The following DPH1 variants were observed in gnomAD, a reference collection of about 807,000 sequenced individuals.
DPH1 encodes 2-(3-amino-3-carboxypropyl)histidine synthase subunit 1.
Under a neutral mutation model 55.3 loss-of-function variants are expected in DPH1, and 59 were observed. That is an observed-to-expected ratio of 1.07 (90% CI 0.87 to 1.33). DPH1 has a LOEUF of 1.33. DPH1 is among the 40% of genes most tolerant of loss of function. The probability of loss-of-function intolerance (pLI) is 0.00; values close to 1 mark genes in which losing one functional copy is unlikely to be tolerated. For synonymous variants in DPH1, 238 were observed against 235.5 expected (o/e 1.01, Z -0.10); for missense variants, 628 against 584.8 (o/e 1.07, Z -0.76).
At position 2,036,950 on chromosome 17, in the gene DPH1, C is replaced by A; in HGVS notation, c.674C>A (p.Ala225Asp). ...TSPRLSKEVE[A>D]VVYLGDGRFH... Reference sequence around the variant, plus strand: ...CCCCGACTGTCCAAAGAGGTGGAGGCCGTTGTGTAAGTTAAAAATGGGGGC... The same window carrying A: ...CCCCGACTGTCCAAAGAGGTGGAGGACGTTGTGTAAGTTAAAAATGGGGGC... The change falls in exon 6 of 13, where the codon GCC becomes GAC. Residue 225 changes from alanine (A) to aspartate (D), a missense_variant. Coordinates refer to ENST00000263083, the MANE Select transcript of DPH1 (RefSeq NM_001383.6). The surrounding 1 kb of genome is among the most constrained non-coding windows in gnomAD (Gnocchi z 4.8). 6.2e-7 allele frequency: 1 copy of A among 1,612,474 alleles called. No homozygotes were observed. The highest frequency in any genetic ancestry group is 1.1e-5 in the South Asian group (1 of 90,878).
intron 1 of DPH1, among the ~76,000 whole-genome samples, chr17:2,031,336 G>T (rs530651729): frequency 3.0e-4 from 46 of 152,150 alleles, no homozygotes; most frequent in East Asian, 1.2e-3. Context: ...TGAGGCGGGC[G>T]GATTACCTGA....
Position 2,030,196 on chromosome 17 carries a change from A to G in DPH1, c.27A>G (p.Ala9=). MAALVVSG[A]AEQGGRDGPG... The stretch of plus-strand genomic sequence containing the variant: ...TGGCGGCGCTGGTCGTATCCGGGGC[A>G]GCGGAGCAGGGCGGCCGAGACGGCC... The change falls in exon 1 of 13, where the codon GCA becomes GCG. Residue 9 remains alanine, a synonymous_variant. Transcript: ENST00000263083. The G allele has an allele frequency of 1.2e-6, 2 of 1,602,360 alleles. No homozygotes were observed. Among genetic ancestry groups the G allele is most frequent in the South Asian group, 1.1e-5 (1 of 88,734 alleles).
In DPH1 at chr17:2,043,194, T is replaced by A; in HGVS notation, c.*608T>A. 12 of 1,424,166 alleles carry A rather than the reference T, an allele frequency of 8.4e-6. No individual in the cohort carries two copies. The highest frequency in any genetic ancestry group is 1.3e-5 in the South Asian group (1 of 77,214). The allele number at this position is 1,424,166 out of a possible 1,614,324, so 88.2% of individuals were successfully genotyped here. A position where few individuals can be genotyped will look rare whatever the true frequency, so the allele number is the denominator to read the frequency against. ...CCTCCCAGGACCCTCCACTCACTGC[T>A]GTGAGTGCGCCTCACCAGAACCAGT... On this transcript the variant is annotated 3_prime_UTR_variant, in exon 13 of 13. Transcript: ENST00000263083.
intron 6 of DPH1, among the ~76,000 whole-genome samples, chr17:2,038,583 A>G (rs1272799986): frequency 1.3e-5 from 2 of 152,130 alleles, no homozygotes; most frequent in Non-Finnish European, 2.9e-5. Context: ...CTCAAACCCT[A>G]TCGTGACCTG....
intron 8 of DPH1, 57 bp from the exon 9 acceptor site, chr17:2,040,448 G>A (rs1188630722): frequency 2.5e-6 from 4 of 1,613,750 alleles, no homozygotes; most frequent in Non-Finnish European, 3.4e-6. Flanking sequence ...GTAGGCCACA[G>A]GTTCAGCTTT....
chr17:2,033,980 C>T, intron 3 of DPH1, 138 bp downstream of exon 3: 3 of 946,570 alleles, frequency 3.2e-6, no homozygotes, highest in Non-Finnish European at 4.8e-6. Flanking sequence ...CTCCCACAAC[C>T]ATACACACAC....
In DPH1 at chr17:2,036,423, C is replaced by A; in HGVS notation, c.401-106C>A. ...CTCTTCTCCTACCCTGTCCTTTTAC[C>A]CCCAGGCTGAAGCCACTGCGCCTGG... On this transcript the variant is annotated intron_variant, in intron 4 of 12. Coordinates refer to ENST00000263083, the MANE Select transcript of DPH1 (RefSeq NM_001383.6). This position sits in a 1 kb window ranked among gnomAD's most constrained non-coding sequence, Gnocchi z 4.8. The A allele has an allele frequency of 7.0e-7, 1 of 1,430,032 alleles. No individual in the cohort carries two copies. The highest frequency in any genetic ancestry group is 9.6e-7 in the Non-Finnish European group (1 of 1,038,346). 88.6% of individuals were successfully genotyped at this position (1,430,032 alleles called of 1,614,324 possible).
At chr17:2,030,331 T>C in intron 1 of DPH1, 101 bp downstream of exon 1, 1 of 1,340,300 alleles carries the variant, frequency 7.5e-7, no homozygotes, top group African/African-American at 1.5e-5. Flanking sequence ...GGCGCCTTTC[T>C]CCGCTAGATC....
rs1365444937 is a variant in DPH1 at position 2,041,300 on chromosome 17, C to T, written c.1086+119C>T. The T allele has an allele frequency of 3.4e-6, 5 of 1,467,734 alleles. No homozygotes were observed. In the African/African-American group the frequency reaches 5.6e-5, roughly 16 times the overall value. The allele number at this position is 1,467,734 out of a possible 1,614,324, so 90.9% of individuals were successfully genotyped here. A position where few individuals can be genotyped will look rare whatever the true frequency, so the allele number is the denominator to read the frequency against. ...TGTTCGTAGATTCCGGAGTCTGTCT[C>T]GATTTCTCCAGCGGAGTCACTTCCT... On this transcript the variant is annotated intron_variant, in intron 10 of 12. Coordinates refer to ENST00000263083, the MANE Select transcript of DPH1 (RefSeq NM_001383.6).
chr17:2,030,441 G>A (rs148835478), intron 1 of DPH1, among the ~76,000 whole-genome samples: 2 of 152,360 alleles, frequency 1.3e-5, no homozygotes, highest in African/African-American at 4.8e-5. Context: ...ACGACCGAGA[G>A]CAGCCCTTAA....
rs1380563034 is a variant in DPH1 at position 2,041,199 on chromosome 17, G to A, written c.1086+18G>A. On this transcript the variant is annotated intron_variant, in intron 10 of 12. Transcript: ENST00000263083. ...CCTATGAGGTAACACCAAGCTCTGG[G>A]AGAGAGTGGGCTTTGGACGTGGTTC... 3.1e-6 allele frequency: 5 copies of A among 1,593,540 alleles called. No homozygotes were observed. In the African/African-American group the frequency reaches 6.7e-5, roughly 21 times the overall value.
intron 3 of DPH1, among the ~76,000 whole-genome samples, chr17:2,034,486 T>G (rs978664235): frequency 5.1e-5 from 1 of 19,664 alleles, no homozygotes. Flanking sequence ...CCCCTGCTCC[T>G]CCCTCCCCCT....
rs1164022144 is a variant in DPH1, at chr17:2,041,843, C to T, written c.1303C>T (p.Pro435Ser). ...DCSCRDEKVA[P>S]LAP ...CAGCTGCAGGGACGAGAAGGTGGCG[C>T]CGCTGGCTCCTTGACGCGCTCCCGG... The change falls in exon 12 of 13, where the codon CCG becomes TCG. Residue 435 changes from proline (P) to serine (S), a missense_variant. Coordinates refer to ENST00000263083, the MANE Select transcript of DPH1 (RefSeq NM_001383.6). 37 of 1,599,590 alleles carry T rather than the reference C, an allele frequency of 2.3e-5. No homozygotes were observed. Among genetic ancestry groups the T allele is most frequent in the Non-Finnish European group, 2.9e-5 (34 of 1,174,980 alleles).
Position 2,041,578 on chromosome 17 carries a change from A to G in DPH1, c.1184A>G (p.Gln395Arg). Residue 395 changes from glutamine to arginine, a missense_variant, in exon 11 of 13, where the codon CAG (glutamine) becomes CGG (arginine). Coordinates refer to ENST00000263083, the MANE Select transcript of DPH1 (RefSeq NM_001383.6). ...GGGCCCTGGACGGTGAACCACGGCC[A>G]GGACCGCCGTCCCCACGCCCCGGGC... ...SLGPWTVNHG[Q>R]DRRPHAPGRP... 6.2e-7 allele frequency: 1 copy of G among 1,610,592 alleles called. No homozygotes were observed.
At position 2,036,263 on chromosome 17, in the gene DPH1, T is replaced by C; in HGVS notation, c.400+172T>C. ...CTGCAGGTAGATCTTTCCTTTGGAT[T>C]TGGTTGCCTTGGCAACGGTGCTCTG... On this transcript the variant is annotated intron_variant, in intron 4 of 12. Transcript: ENST00000263083. The surrounding 1 kb of genome is among the most constrained non-coding windows in gnomAD (Gnocchi z 4.8). 7.7e-7 allele frequency: 1 copy of C among 1,294,238 alleles called. No individual in the cohort carries two copies. The highest frequency in any genetic ancestry group is 1.5e-5 in the South Asian group (1 of 65,532). The allele number at this position is 1,294,238 out of a possible 1,614,324, so 80.2% of individuals were successfully genotyped here.
chr17:2,042,464 C>T (rs1050934716), intron 12 of DPH1, 141 bp from the exon 13 acceptor site: 9 of 1,288,684 alleles, frequency 7.0e-6, no homozygotes, highest in Admixed American at 3.1e-5. Flanking sequence ...CCACTCATTT[C>T]CCCCCTCTCA....
chr17:2,042,185 C>G, intron 12 of DPH1: 5 of 1,445,946 alleles, frequency 3.5e-6, no homozygotes, highest in Non-Finnish European at 4.5e-6. Context: ...GCGGCCCGCA[C>G]CCGGTCCCCG....
intron 12 of DPH1, 141 bp downstream of exon 12, chr17:2,042,016 T>G: frequency 6.7e-7 from 1 of 1,494,340 alleles, no homozygotes; most frequent in Non-Finnish European, 8.9e-7. Context: ...AAAGACCGCT[T>G]CCGGTGCTTC....
At position 2,040,774 on chromosome 17, in the gene DPH1, T is replaced by C. The variant is rs569669233; in HGVS notation, c.1007+169T>C. On this transcript the variant is annotated intron_variant, in intron 9 of 12. Transcript: ENST00000263083. ...CTGGGTCATACCTGCTTTGGGACTT[T>C]GGGGCTCAGAGGCAATGGCAACATC... The C allele has an allele frequency of 1.1e-4, 77 of 729,662 alleles. No individual in the cohort carries two copies. The South Asian group carries it at 1.3e-3, about 12-fold the overall frequency. 45.2% of individuals were successfully genotyped at this position (729,662 alleles called of 1,614,324 possible).
Sources: gnomAD v4.1 joint callset for allele counts (sites outside exome capture counted in the v4.1 genomes callset) on GRCh38, gnomAD v4.1.1 for gene constraint, Gnocchi (gnomAD v3.1) non-coding constraint, MANE v1.5 for transcripts, NCBI Gene and HGNC (gene_info 2026-07-23, HGNC 2026-07-21) for gene names.